The following RPS6KC1 variants were observed in gnomAD, a reference collection of about 807,000 sequenced individuals.
RPS6KC1 encodes inactive ribosomal protein S6 kinase delta-1.
Under a neutral mutation model 103.8 loss-of-function variants are expected in RPS6KC1, and 54 were observed. The observed-to-expected ratio is 0.52, with a 90% CI of 0.42 to 0.65. The LOEUF is 0.65. Ranked by LOEUF, RPS6KC1 falls within the 30% of genes least tolerant of loss-of-function variation. The probability of loss-of-function intolerance (pLI) is 0.00; values close to 1 mark genes in which losing one functional copy is unlikely to be tolerated. For missense variants in RPS6KC1, 1,151 were observed against 1,253.8 expected (o/e 0.92, Z 1.24); for synonymous variants, 439 against 438.7 (o/e 1.00, Z -0.01).
Position 213,078,021 on chromosome 1 carries a change from A to C in RPS6KC1, c.262+205A>C, listed in dbSNP as rs1448550618. ...TATATTTACTCTTCCTATCTATGAA[A>C]CAAAACAACTTCAGTTCCAACCAAC... On this transcript the variant is annotated intron_variant, in intron 3 of 14. Coordinates refer to ENST00000366960, the MANE Select transcript of RPS6KC1 (RefSeq NM_012424.6). Among the ~76,000 whole-genome samples, 4 of 152,134 alleles carry C rather than the reference A, an allele frequency of 2.6e-5. No individual in the cohort carries two copies. In the East Asian group the frequency reaches 7.7e-4, roughly 29 times the overall value.
At chr1:213,140,184 A>G (rs187108737) in intron 6 of RPS6KC1, among the ~76,000 whole-genome samples, 158 of 152,178 alleles carry the variant, frequency 1.0e-3, no homozygotes, top group African/African-American at 3.6e-3. Context: ...ATTTTTGTGC[A>G]TTGATTTTTG....
chr1:213,230,692 G>A (rs535703403), intron 9 of RPS6KC1, 148 bp downstream of exon 9: 83 of 450,724 alleles, frequency 1.8e-4, no homozygotes, highest in African/African-American at 1.1e-3. Context: ...AAAATTAGCC[G>A]GGTATAATGG....
At chr1:213,213,146 T>C (rs2093561623) in intron 8 of RPS6KC1, among the ~76,000 whole-genome samples, 1 of 152,230 alleles carries the variant, frequency 6.6e-6, no homozygotes, top group Non-Finnish European at 1.5e-5. Context: ...GTCATCACCA[T>C]ATTCAGAGTT....
At chr1:213,203,551 A>G (rs2093240496) in intron 8 of RPS6KC1, among the ~76,000 whole-genome samples, 1 of 152,038 alleles carries the variant, frequency 6.6e-6, no homozygotes. Flanking sequence ...TTAGAGGTTT[A>G]TATGTTCTTA....
chr1:213,832,857 T>G, the RPS6KC1 span, among the ~76,000 whole-genome samples: 1 of 152,316 alleles, frequency 6.6e-6, no homozygotes, highest in African/African-American at 2.4e-5. Flanking sequence ...AGTCTTGGCC[T>G]GCAGTGACAA....
the RPS6KC1 span, among the ~76,000 whole-genome samples, chr1:213,444,784 A>G: frequency 3.1e-4 from 47 of 151,706 alleles, no homozygotes; most frequent in East Asian, 3.1e-3. Context: ...AAAAAAGAAC[A>G]GAAAAAAATG....
the RPS6KC1 span, among the ~76,000 whole-genome samples, chr1:213,299,831 G>C: frequency 6.6e-6 from 1 of 152,078 alleles, no homozygotes; most frequent in Non-Finnish European, 1.5e-5. Context: ...TTGAGACGGA[G>C]TCTCGTTCTG....
the RPS6KC1 span, among the ~76,000 whole-genome samples, chr1:213,707,741 G>A: frequency 6.6e-6 from 1 of 152,136 alleles, no homozygotes; most frequent in Non-Finnish European, 1.5e-5. Context: ...AACGGGTCTA[G>A]TTTCAGTTTT....
At chr1:213,146,252 G>A (rs896709914) in intron 6 of RPS6KC1, among the ~76,000 whole-genome samples, 1 of 151,508 alleles carries the variant, frequency 6.6e-6, no homozygotes, top group Non-Finnish European at 1.5e-5. Flanking sequence ...ATAGTACCCT[G>A]TTGTGTATAT....
the RPS6KC1 span, among the ~76,000 whole-genome samples, chr1:213,344,450 A>G: frequency 6.6e-6 from 1 of 152,206 alleles, no homozygotes; most frequent in Non-Finnish European, 1.5e-5. Context: ...CAGCTAAAAT[A>G]TGGCATAATT....
At chr1:213,645,739 G>A in the RPS6KC1 span, among the ~76,000 whole-genome samples, 1 of 152,176 alleles carries the variant, frequency 6.6e-6, no homozygotes, top group African/African-American at 2.4e-5. Context: ...ACCCAACCCT[G>A]CAAATCGGAA....
At chr1:213,616,890 A>G in the RPS6KC1 span, among the ~76,000 whole-genome samples, 1 of 152,168 alleles carries the variant, frequency 6.6e-6, no homozygotes, top group Non-Finnish European at 1.5e-5. Context: ...TAAAGGGACC[A>G]TGGGTTCTGG....
At chr1:213,840,862 C>T in the RPS6KC1 span, 2 of 151,980 alleles carry the variant, frequency 1.3e-5, no homozygotes, top group Non-Finnish European at 2.9e-5. Flanking sequence ...GTGAGATGGC[C>T]CCACGTTAGG....
the RPS6KC1 span, among the ~76,000 whole-genome samples, chr1:213,576,565 A>G: frequency 1.3e-5 from 2 of 152,124 alleles, no homozygotes; most frequent in Admixed American, 6.6e-5. Flanking sequence ...GTTTGGGGAC[A>G]CCACAAACCA....
chr1:213,218,286 TA>T (rs960306238), intron 8 of RPS6KC1, among the ~76,000 whole-genome samples: 13 of 152,122 alleles, frequency 8.5e-5, no homozygotes, highest in Middle Eastern at 3.4e-3. Flanking sequence ...TCAAAGAGAT[TA>T]AAATACCTAG....
At chr1:213,635,362 G>A in the RPS6KC1 span, among the ~76,000 whole-genome samples, 10 of 152,236 alleles carry the variant, frequency 6.6e-5, no homozygotes, top group East Asian at 1.9e-3. Flanking sequence ...ACATCGATGT[G>A]AAAATCCTCA....
the RPS6KC1 span, among the ~76,000 whole-genome samples, chr1:213,703,601 G>T: frequency 6.6e-6 from 1 of 152,072 alleles, no homozygotes; most frequent in South Asian, 2.1e-4. Context: ...CATGTTTGAA[G>T]GATATTTTAC....
In RPS6KC1 at chr1:213,241,968, A is replaced by G; in HGVS notation, c.2492A>G (p.Tyr831Cys). Residue 831 changes from tyrosine to cysteine, a missense_variant, in exon 11 of 15, where the codon TAT becomes TGT. This residue lies in a region of RPS6KC1 where 959 missense variants were observed against 1,006.3 expected (regional missense o/e 0.95). Coordinates refer to ENST00000366960, the MANE Select transcript of RPS6KC1 (RefSeq NM_012424.6). ...ICSPLSGANE[Y>C]IASTDTLKTE... The stretch of plus-strand genomic sequence containing the variant: ...AGTCCACTCTCAGGTGCTAATGAAT[A>G]TATTGCAAGCACAGACACTTTAAAA... 1.2e-6 allele frequency: 2 copies of G among 1,614,052 alleles called. No individual in the cohort carries two copies. Among genetic ancestry groups the G allele is most frequent in the Non-Finnish European group, 1.7e-6 (2 of 1,179,946 alleles).
chr1:213,359,317 T>C, the RPS6KC1 span, among the ~76,000 whole-genome samples: 3 of 152,202 alleles, frequency 2.0e-5, no homozygotes, highest in African/African-American at 7.2e-5. Context: ...GTAATGGCCT[T>C]CTTTGTCTCT....
Sources: gnomAD v4.1 joint callset for allele counts (sites outside exome capture counted in the v4.1 genomes callset) on GRCh38, gnomAD v4.1.1 for gene constraint, gnomAD v4.1.1 regional missense constraint, MANE v1.5 for transcripts, NCBI Gene and HGNC (gene_info 2026-07-23, HGNC 2026-07-21) for gene names.